The following SACM1L variants were observed in gnomAD, a reference collection of about 807,000 sequenced individuals.
The protein encoded by SACM1L is phosphatidylinositol-3-phosphatase SAC1.
In SACM1L, 32 loss-of-function variants were observed where a neutral mutation model predicts 89.5. The observed-to-expected ratio is 0.36, with a 90% CI of 0.27 to 0.48. The LOEUF is 0.48. SACM1L is among the 20% of genes least tolerant of loss of function. The probability of loss-of-function intolerance (pLI) is 0.99; values close to 1 mark genes in which losing one functional copy is unlikely to be tolerated. For missense variants in SACM1L, 543 were observed against 708.5 expected, an observed-to-expected ratio of 0.77 and a Z score of 2.65; for synonymous variants, 213 against 232.8, an observed-to-expected ratio of 0.92 and a Z score of 0.77.
intron 1 of SACM1L, among the ~76,000 whole-genome samples, chr3:45,696,305 C>T (rs934748614): frequency 3.9e-5 from 6 of 152,108 alleles, no homozygotes; most frequent in African/African-American, 1.4e-4. Flanking sequence ...CCCAGAATTT[C>T]CTTTCTAAGG....
At chr3:45,718,869 T>C (rs1375544279) in intron 7 of SACM1L, among the ~76,000 whole-genome samples, 2 of 152,148 alleles carry the variant, frequency 1.3e-5, no homozygotes, top group Non-Finnish European at 2.9e-5. Flanking sequence ...CCATATACTA[T>C]TATCAGTAGT....
At chr3:45,743,461 G>GC in intron 19 of SACM1L, 72 bp from the exon 20 acceptor site, 1 of 1,482,526 alleles carries the variant, frequency 6.7e-7, no homozygotes, top group Non-Finnish European at 9.0e-7. Flanking sequence ...GCCAAAATGT[G>GC]CTAAACAGCT....
intron 14 of SACM1L, 136 bp from the exon 15 acceptor site, chr3:45,737,447 T>C: frequency 1.1e-6 from 1 of 877,328 alleles, no homozygotes; most frequent in Non-Finnish European, 1.8e-6. Context: ...TGGGGCCCCC[T>C]ATAGACAACA....
chr3:45,734,896 G>C, intron 13 of SACM1L: 1 of 192,464 alleles, frequency 5.2e-6, no homozygotes, highest in Non-Finnish European at 1.1e-5. Context: ...GATATAGTTG[G>C]AATAATTATG....
chr3:45,697,217 G>T (rs1698149559), intron 1 of SACM1L, among the ~76,000 whole-genome samples: 1 of 148,452 alleles, frequency 6.7e-6, no homozygotes, highest in Non-Finnish European at 1.5e-5. Context: ...GACCAGGCTG[G>T]TCTCAAACTC....
chr3:45,710,294 G>C (rs1267863452), intron 5 of SACM1L, among the ~76,000 whole-genome samples: 3 of 151,114 alleles, frequency 2.0e-5, no homozygotes, highest in East Asian at 3.9e-4. Flanking sequence ...TCTGCCTCCT[G>C]GGTTCAAGCA....
rs751436974 is a variant in SACM1L at position 45,721,994 on chromosome 3, A to G, written c.680-6A>G. The stretch of plus-strand genomic sequence containing the variant: ...ATAGTTAATTCTTAATTTTTTTTCT[A>G]TTTAGGAATTGATTCGGAAGGCCAT... On this transcript the variant is annotated splice_polypyrimidine_tract_variant and splice_region_variant and intron_variant, in intron 8 of 19. Transcript: ENST00000389061. 26 of 1,595,804 alleles carry G rather than the reference A, an allele frequency of 1.6e-5. No homozygotes were observed. The highest frequency in any genetic ancestry group is 1.6e-4 in the South Asian group (14 of 90,012).
chr3:45,718,285 CTGTTA>C (rs1698711015), intron 7 of SACM1L, among the ~76,000 whole-genome samples: 1 of 104,694 alleles, frequency 9.6e-6, no homozygotes. Context: ...AGATTAATTC[CTGTTA>C]TGTTAAAAAA....
intron 8 of SACM1L, among the ~76,000 whole-genome samples, chr3:45,721,249 C>T (rs368591012): frequency 1.2e-4 from 19 of 152,326 alleles, no homozygotes; most frequent in African/African-American, 4.1e-4. Flanking sequence ...TCACCGGGTG[C>T]GGTGGCTCAC....
chr3:45,734,678 C>G (rs1699160081), intron 13 of SACM1L: 1 of 152,212 alleles, frequency 6.6e-6, no homozygotes, highest in Non-Finnish European at 1.5e-5. Flanking sequence ...CTTCTGAGCT[C>G]AAGTAATCCT....
Position 45,744,983 on chromosome 3 carries a change from TC to T in SACM1L, c.*1315del, listed in dbSNP as rs1699394871. 1 of 152,234 alleles carries T rather than the reference TC, an allele frequency of 6.6e-6. No homozygotes were observed. Among genetic ancestry groups the T allele is most frequent in the Non-Finnish European group, 1.5e-5 (1 of 68,038 alleles). 9.4% of individuals were successfully genotyped at this position (152,234 alleles called of 1,614,324 possible). On this transcript the variant is annotated 3_prime_UTR_variant, in exon 20 of 20. Transcript: ENST00000389061. ...CCTTTATTTCAGCATTACCTTTTTT[TC>T]ATCACTATCTTTTATAAAACATTAA...
At chr3:45,725,312 A>G (rs143343784) in intron 11 of SACM1L, among the ~76,000 whole-genome samples, 2 of 145,440 alleles carry the variant, frequency 1.4e-5, no homozygotes, top group Non-Finnish European at 3.1e-5. Flanking sequence ...TTGTTAGTCC[A>G]TCAACTCAGA....
At chr3:45,718,145 T>C (rs1698706140) in intron 7 of SACM1L, among the ~76,000 whole-genome samples, 1 of 152,194 alleles carries the variant, frequency 6.6e-6, no homozygotes, top group Admixed American at 6.5e-5. Flanking sequence ...ACAGCTGGCA[T>C]GTCCATGGAC....
rs1186084562 is a variant in SACM1L at position 45,714,052 on chromosome 3, C to T, written c.550C>T (p.Arg184Trp). Residue 184 changes from arginine to tryptophan, a missense_variant, in exon 7 of 20, where the codon CGG becomes TGG. Transcript: ENST00000389061. ...RELSAQPEVH[R>W]FALPVLHGFI... is the part of the protein sequence containing the mutation. ...ATATATATCTTCATTTCAGGTTCAT[C>T]GGTTTGCCCTTCCAGTGTTACATGG... The T allele has an allele frequency of 6.6e-6, 10 of 1,525,502 alleles. No homozygotes were observed. The highest frequency in any genetic ancestry group is 9.0e-6 in the Non-Finnish European group (10 of 1,115,528). 94.5% of individuals were successfully genotyped at this position (1,525,502 alleles called of 1,614,324 possible).
intron 13 of SACM1L, chr3:45,735,025 A>G: frequency 4.6e-6 from 2 of 430,736 alleles, no homozygotes; most frequent in Non-Finnish European, 8.1e-6. Flanking sequence ...ATCTTCAGCC[A>G]TTTTTTGGAT....
intron 13 of SACM1L, among the ~76,000 whole-genome samples, chr3:45,732,506 A>C (rs1356440351): frequency 6.6e-6 from 1 of 152,200 alleles, no homozygotes; most frequent in Non-Finnish European, 1.5e-5. Context: ...CAGCGTCTGT[A>C]ATGATAGTGT....
At chr3:45,741,038 C>T (rs1415451237) in intron 19 of SACM1L, among the ~76,000 whole-genome samples, 1 of 152,092 alleles carries the variant, frequency 6.6e-6, no homozygotes, top group East Asian at 1.9e-4. Context: ...CTTTATTCTC[C>T]TTTGAGTAAT....
At position 45,722,015 on chromosome 3, in the gene SACM1L, G is replaced by C; in HGVS notation, c.695G>C (p.Gly232Ala). The change falls in exon 9 of 20, where the codon GGC becomes GCC. Residue 232 changes from glycine (G) to alanine (A), a missense_variant. By Grantham distance (60) the Gly-to-Ala change is moderately conservative (BLOSUM62 0). This residue lies in a region of SACM1L where 370 missense variants were observed against 527.6 expected (regional missense o/e 0.70). Transcript: ENST00000389061. ...RYYVRGIDSE[G>A]HAANFVETEQ... ...TTCTATTTAGGAATTGATTCGGAAGGCCATGCAGCTAACTTTGTAGAAACA... is the reference window on the plus strand; with the variant it reads ...TTCTATTTAGGAATTGATTCGGAAGCCCATGCAGCTAACTTTGTAGAAACA... The C allele has an allele frequency of 6.2e-7, 1 of 1,610,976 alleles. No individual in the cohort carries two copies. Among genetic ancestry groups the C allele is most frequent in the Non-Finnish European group, 8.5e-7 (1 of 1,178,048 alleles).
At chr3:45,726,149 C>T (rs1396854899) in intron 11 of SACM1L, among the ~76,000 whole-genome samples, 2 of 151,978 alleles carry the variant, frequency 1.3e-5, no homozygotes, top group Non-Finnish European at 2.9e-5. Flanking sequence ...GGATATTGGC[C>T]TGTAGTTTTC....
Sources: allele counts gnomAD v4.1 joint callset (sites outside exome capture counted in the v4.1 genomes callset), GRCh38; gene constraint gnomAD v4.1.1; regional missense constraint gnomAD v4.1.1; transcripts MANE v1.5; gene names NCBI Gene and HGNC (gene_info 2026-07-23, HGNC 2026-07-21).